The following KSR2 variants were observed in gnomAD, a reference collection of about 807,000 sequenced individuals.
KSR2 encodes the protein kinase suppressor of ras 2.
KSR2 carries 25 observed loss-of-function variants against 107.8 expected under a neutral mutation model. The ratio of observed to expected loss-of-function variants is 0.23; its 90% CI spans 0.17 to 0.32. KSR2 has a LOEUF of 0.32. Ranked by LOEUF, KSR2 falls within the 10% of genes least tolerant of loss-of-function variation. KSR2 has a pLI of 1.00. For missense variants in KSR2, 887 were observed against 1,268.9 expected (o/e 0.70, Z 4.57); for synonymous variants, 480 against 507.0 (o/e 0.95, Z 0.71).
chr12:117,525,239 G>T lies in KSR2; in HGVS notation c.1852-20C>A, dbSNP rs1875045831. ...TTCATTCTGTGGCCGGAGTGGGAGA[G>T]AGGTCAGAATTGTGTCTGCCACTGC... On this transcript the variant is annotated intron_variant, in intron 13 of 19. Transcript: ENST00000339824. 1 of 1,564,940 alleles carries T rather than the reference G, an allele frequency of 6.4e-7. No homozygotes were observed. Among genetic ancestry groups the T allele is most frequent in the Admixed American group, 1.8e-5 (1 of 56,342 alleles).
intron 14 of KSR2, among the ~76,000 whole-genome samples, chr12:117,492,886 C>A (rs765905278): frequency 7.9e-5 from 12 of 152,144 alleles, no homozygotes; most frequent in Non-Finnish European, 1.8e-4. Flanking sequence ...GGAATGCAGG[C>A]AGCCTCTAAA....
intron 5 of KSR2, among the ~76,000 whole-genome samples, chr12:117,639,715 T>A (rs1054193476): frequency 6.6e-6 from 1 of 151,494 alleles, no homozygotes; most frequent in Non-Finnish European, 1.5e-5. Context: ...AAAACAATAC[T>A]TGAGGTGGGA....
intron 1 of KSR2, among the ~76,000 whole-genome samples, chr12:117,947,226 AAAG>A (rs1896221432): frequency 8.6e-6 from 1 of 116,784 alleles, no homozygotes; most frequent in South Asian, 2.9e-4. Context: ...AGAAAGAAAG[AAAG>A]AAAGAAAGAA....
intron 1 of KSR2, among the ~76,000 whole-genome samples, chr12:117,950,749 A>AAAAAATAATAATAAT (rs1555260902): frequency 2.3e-5 from 3 of 132,166 alleles, no homozygotes; most frequent in African/African-American, 5.8e-5. Context: ...AAAAAAAAAA[A>AAAAAATAATAATAAT]AATAATAATA....
At chr12:117,724,211 C>T (rs1220548548) in intron 4 of KSR2, among the ~76,000 whole-genome samples, 10 of 149,296 alleles carry the variant, frequency 6.7e-5, no homozygotes, top group Admixed American at 4.7e-4. Flanking sequence ...AGGAGGCTTA[C>T]GTGGGAGAAT....
Position 117,849,944 on chromosome 12 carries a change from T to C in KSR2, c.472+5484A>G, listed in dbSNP as rs187178277. Among the ~76,000 whole-genome samples, 813 of 152,362 alleles carry C rather than the reference T, an allele frequency of 5.3e-3. 6 individuals are homozygous for C. Among genetic ancestry groups the C allele is most frequent in the African/African-American group, 0.018 (758 of 41,592 alleles). On this transcript the variant is annotated intron_variant, in intron 3 of 19. Coordinates refer to ENST00000339824, the MANE Select transcript of KSR2 (RefSeq NM_173598.6). ...AGGAAACACCAGCTCTGGGTTGAGC[T>C]GGGGCTATTAAGATGAATACAATAT...
intron 5 of KSR2, among the ~76,000 whole-genome samples, chr12:117,592,417 T>C (rs1054762342): frequency 6.6e-6 from 1 of 152,098 alleles, no homozygotes; most frequent in African/African-American, 2.4e-5. Context: ...CCTGGCCCAC[T>C]TTCCCCTTTT....
rs890166695 is a variant in KSR2, at chr12:117,456,378, T to G, written c.*10821A>C. ...AGTACCTTGATGCCCATGCTGTAGCTACATAGCAGTTACTTGAACTTACAC... is the reference window on the plus strand; with the variant it reads ...AGTACCTTGATGCCCATGCTGTAGCGACATAGCAGTTACTTGAACTTACAC... On this transcript the variant is annotated 3_prime_UTR_variant, in exon 20 of 20. Coordinates refer to ENST00000339824, the MANE Select transcript of KSR2 (RefSeq NM_173598.6). 2.6e-5 allele frequency: 4 copies of G among 152,190 alleles called. No individual in the cohort carries two copies. Among genetic ancestry groups the G allele is most frequent in the Non-Finnish European group, 5.9e-5 (4 of 68,038 alleles). 9.4% of individuals were successfully genotyped at this position (152,190 alleles called of 1,614,324 possible).
At chr12:117,567,610 C>A (rs1878590445) in intron 7 of KSR2, among the ~76,000 whole-genome samples, 1 of 151,504 alleles carries the variant, frequency 6.6e-6, no homozygotes, top group South Asian at 2.1e-4. Flanking sequence ...ACTCTCTGTA[C>A]CTGCTTTCCT....
Position 117,472,047 on chromosome 12 carries a change from G to A in KSR2, c.2583-727C>T, listed in dbSNP as rs1183580826. 2.6e-5 allele frequency among the ~76,000 whole-genome samples: 4 copies of A among 152,000 alleles called. No individual in the cohort carries two copies. In the East Asian group the frequency reaches 5.8e-4, roughly 22 times the overall value. On this transcript the variant is annotated intron_variant, in intron 17 of 19. Transcript: ENST00000339824. ...GAAAGAAAAAAAGAGGTTTGACAGC[G>A]ACTTGGGTTCAAGTCCTGATTCTAT...
intron 5 of KSR2, among the ~76,000 whole-genome samples, chr12:117,627,463 C>T (rs6490138): frequency 0.91 from 138,384 of 152,204 alleles, 63,169 homozygotes; most frequent in East Asian, 0.99. Flanking sequence ...CTTATGAAGT[C>T]TAGTTTGGCT....
intron 1 of KSR2, among the ~76,000 whole-genome samples, chr12:117,861,378 CTTTTTTTTTTTTTTTTT>C (rs5801257): frequency 1.6e-4 from 13 of 81,672 alleles, no homozygotes; most frequent in Non-Finnish European, 8.9e-5. Context: ...TCCCAATTCG[CTTTTTTTTTTTTTTTTT>C]TTTTTTTTTT....
rs1892530223 is a variant in KSR2 at position 117,842,485 on chromosome 12, T to TG, written c.472+12942dup. 6.6e-6 allele frequency among the ~76,000 whole-genome samples: 1 copy of TG among 151,970 alleles called. No homozygotes were observed. Among genetic ancestry groups the TG allele is most frequent in the South Asian group, 2.1e-4 (1 of 4,820 alleles). On this transcript the variant is annotated intron_variant, in intron 3 of 19. Transcript: ENST00000339824. This position sits in a 1 kb window ranked among gnomAD's most constrained non-coding sequence, Gnocchi z 4.2. ...CAGATCGGGAGCCCAGGGACAGGAC[T>TG]GGGGGTCTCATTCTAAGATGTAATA...
At chr12:117,617,937 T>C (rs1327346872) in intron 5 of KSR2, among the ~76,000 whole-genome samples, 1 of 152,164 alleles carries the variant, frequency 6.6e-6, no homozygotes, top group Non-Finnish European at 1.5e-5. Flanking sequence ...TAAATTAAAT[T>C]ATGATAAAAG....
chr12:117,927,141 C>T (rs574138591), intron 1 of KSR2, among the ~76,000 whole-genome samples: 14 of 152,160 alleles, frequency 9.2e-5, no homozygotes, highest in South Asian at 2.1e-4. Context: ...TTTGGGAGGC[C>T]GAGGCGGGTG....
At chr12:117,777,765 C>G (rs751937199) in intron 3 of KSR2, among the ~76,000 whole-genome samples, 9 of 152,128 alleles carry the variant, frequency 5.9e-5, no homozygotes, top group Non-Finnish European at 1.3e-4. Context: ...TGCAGTGGCT[C>G]AAAATGCTGT....
intron 4 of KSR2, among the ~76,000 whole-genome samples, chr12:117,755,278 A>G (rs1456599636): frequency 6.6e-6 from 1 of 152,208 alleles, no homozygotes; most frequent in Non-Finnish European, 1.5e-5. Context: ...CACTTTGCAG[A>G]CATCACATTT....
intron 5 of KSR2, among the ~76,000 whole-genome samples, chr12:117,660,914 G>T (rs1884406314): frequency 6.6e-6 from 1 of 152,210 alleles, no homozygotes; most frequent in Non-Finnish European, 1.5e-5. Context: ...AGAAGCACCA[G>T]GAAGGCTGAG....
At chr12:117,574,191 CTGT>C (rs1425111328) in intron 7 of KSR2, among the ~76,000 whole-genome samples, 2 of 145,498 alleles carry the variant, frequency 1.4e-5, no homozygotes, top group East Asian at 2.0e-4. Flanking sequence ...GCCCAGAAAA[CTGT>C]TTTTTTTTTT....
Sources: gnomAD v4.1 joint callset for allele counts (sites outside exome capture counted in the v4.1 genomes callset) on GRCh38, gnomAD v4.1.1 for gene constraint, Gnocchi (gnomAD v3.1) non-coding constraint, MANE v1.5 for transcripts, NCBI Gene and HGNC (gene_info 2026-07-23, HGNC 2026-07-21) for gene names.